Variants in CHIC1 observed in about 807,000 individuals in gnomAD.
CHIC1 encodes the protein cysteine-rich hydrophobic domain-containing protein 1.
In CHIC1, 7 loss-of-function variants were observed where a neutral mutation model predicts 18.5. That is an observed-to-expected ratio of 0.38 (90% CI 0.22 to 0.71). CHIC1 has a LOEUF of 0.71. CHIC1 is among the 30% of genes least tolerant of loss of function. CHIC1 has a pLI of 0.49. For synonymous variants in CHIC1, 77 were observed against 73.5 expected, an observed-to-expected ratio of 1.05 and a Z score of -0.25; for missense variants, 159 against 176.9, an observed-to-expected ratio of 0.90 and a Z score of 0.57.
At chrX:73,679,543 GTTT>G (rs750779762) in intron 4 of CHIC1, 108 bp from the exon 5 acceptor site, 1 of 580,238 alleles carries the variant, frequency 1.7e-6, no homozygotes, top group African/African-American at 2.3e-5. Flanking sequence ...TAAGTGCTCT[GTTT>G]TGTATCCTGT....
chrX:73,676,848 C>A (rs1322944456), intron 3 of CHIC1, among the ~76,000 whole-genome samples: 2 of 111,258 alleles, frequency 1.8e-5, no homozygotes, highest in Non-Finnish European at 3.8e-5. Flanking sequence ...CTGTTTTTTT[C>A]CCGTCTTTGT....
At chrX:73,677,221 A>T (rs1352027678) in intron 3 of CHIC1, among the ~76,000 whole-genome samples, 2 of 111,761 alleles carry the variant, frequency 1.8e-5, no homozygotes, top group Non-Finnish European at 3.8e-5. Context: ...CTCAGATCTT[A>T]AGCTGCGTGC....
chrX:73,612,336 T>A (rs2057713062), intron 3 of CHIC1, among the ~76,000 whole-genome samples: 1 of 111,662 alleles, frequency 9.0e-6, no homozygotes, highest in Admixed American at 9.5e-5. Flanking sequence ...TTTTTTTTCA[T>A]CTATTAATTT....
At chrX:73,674,807 G>C (rs1482357080) in intron 3 of CHIC1, among the ~76,000 whole-genome samples, 2 of 106,924 alleles carry the variant, frequency 1.9e-5, no homozygotes, top group Non-Finnish European at 1.9e-5. Context: ...TGCTTTTCTA[G>C]TTCTTTTAAT....
rs770223361 is a variant in CHIC1 at position 73,576,241 on chromosome X, A to G, written c.297-1166A>G. Among the ~76,000 whole-genome samples, 14 of 110,788 alleles carry G rather than the reference A, an allele frequency of 1.3e-4. No homozygotes were observed. In the South Asian group the frequency reaches 4.8e-3, roughly 38 times the overall value. ...ATACTAAAATAACAATAAAAAGTAT[A>G]CTATAGTAAATACATAAGCCAGTAA... is the stretch of plus-strand genomic sequence containing the variant. On this transcript the variant is annotated intron_variant, in intron 1 of 5. Coordinates refer to ENST00000373502, the MANE Select transcript of CHIC1 (RefSeq NM_001039840.4).
intron 3 of CHIC1, among the ~76,000 whole-genome samples, chrX:73,639,801 G>A (rs1456847531): frequency 9.0e-6 from 1 of 111,421 alleles, no homozygotes; most frequent in African/African-American, 3.3e-5. Flanking sequence ...ATTGTGAATT[G>A]AACTACATTT....
At chrX:73,636,701 G>T (rs965097792) in intron 3 of CHIC1, among the ~76,000 whole-genome samples, 1 of 106,681 alleles carries the variant, frequency 9.4e-6, no homozygotes, top group African/African-American at 3.4e-5. Context: ...TTATCTCTGT[G>T]GTTACCGTGG....
chrX:73,634,063 A>G (rs1228228362), intron 3 of CHIC1, among the ~76,000 whole-genome samples: 1 of 111,442 alleles, frequency 9.0e-6, no homozygotes, highest in African/African-American at 3.3e-5. Context: ...CTGGAACTTT[A>G]TTTTATTATT....
At chrX:73,629,689 A>G (rs1404192756) in intron 3 of CHIC1, among the ~76,000 whole-genome samples, 1 of 112,041 alleles carries the variant, frequency 8.9e-6, no homozygotes, top group Non-Finnish European at 1.9e-5. Flanking sequence ...TTTGATTACT[A>G]TAGCTTGAAA....
intron 3 of CHIC1, among the ~76,000 whole-genome samples, chrX:73,592,032 A>T (rs1490017894): frequency 2.7e-5 from 3 of 111,169 alleles, no homozygotes; most frequent in Non-Finnish European, 5.7e-5. Flanking sequence ...ATAATCACAA[A>T]ACATTGTGAT....
intron 1 of CHIC1, among the ~76,000 whole-genome samples, chrX:73,574,083 T>C (rs1226099166): frequency 9.0e-6 from 1 of 110,813 alleles, no homozygotes; most frequent in Non-Finnish European, 1.9e-5. Context: ...ATAGCTCTTA[T>C]CATTTTGAGG....
intron 2 of CHIC1, among the ~76,000 whole-genome samples, chrX:73,583,107 AAC>A (rs2057535349): frequency 9.0e-6 from 1 of 111,357 alleles, no homozygotes; most frequent in Non-Finnish European, 1.9e-5. Flanking sequence ...GCTCTGTGTA[AAC>A]ACAGTTTTGA....
chrX:73,643,380 T>C lies in CHIC1; in HGVS notation c.508-35946T>C, dbSNP rs748663248. 2.5e-3 allele frequency among the ~76,000 whole-genome samples: 270 copies of C among 109,608 alleles called. 1 individual carries two copies. The highest frequency in any genetic ancestry group is 3.8e-3 in the Non-Finnish European group (200 of 52,543). On this transcript the variant is annotated intron_variant, in intron 3 of 5. Transcript: ENST00000373502. ...CTCTTCTCGAGGAGTATCTTTGTGG[T>C]GTTCTCTGTATTTCCTGAATCTGAA... is the stretch of plus-strand genomic sequence containing the variant.
At chrX:73,611,250 A>G (rs1179854562) in intron 3 of CHIC1, among the ~76,000 whole-genome samples, 10 of 107,729 alleles carry the variant, frequency 9.3e-5, no homozygotes, top group Non-Finnish European at 1.9e-4. Context: ...GTTCCCACCC[A>G]TGAGTGAGAA....
chrX:73,582,410 A>G (rs186754102), intron 2 of CHIC1, among the ~76,000 whole-genome samples: 2 of 109,638 alleles, frequency 1.8e-5, no homozygotes, highest in Admixed American at 1.9e-4. Flanking sequence ...GCTGTTGGAG[A>G]GGTAAATCTT....
At chrX:73,642,831 A>G (rs1362533428) in intron 3 of CHIC1, among the ~76,000 whole-genome samples, 1 of 107,089 alleles carries the variant, frequency 9.3e-6, no homozygotes, top group East Asian at 2.9e-4. Flanking sequence ...AGACAGTTGT[A>G]GATATGCGGT....
chrX:73,563,629 A>G (rs1310965985), intron 1 of CHIC1, 49 bp downstream of exon 1: 6 of 1,019,591 alleles, frequency 5.9e-6, no homozygotes, highest in South Asian at 3.3e-5. Flanking sequence ...ATTTGGCAAC[A>G]GAGGAATGAG....
intron 3 of CHIC1, among the ~76,000 whole-genome samples, chrX:73,639,689 T>C (rs946222768): frequency 8.9e-6 from 1 of 111,818 alleles, no homozygotes; most frequent in African/African-American, 3.2e-5. Context: ...TAATTTTTTA[T>C]ATGATGTAGG....
At chrX:73,643,790 T>C (rs1379437030) in intron 3 of CHIC1, among the ~76,000 whole-genome samples, 3 of 111,882 alleles carry the variant, frequency 2.7e-5, no homozygotes, top group African/African-American at 9.8e-5. Flanking sequence ...TCAAAGTTTT[T>C]AACTTCTTTG....
Sources: gnomAD v4.1 joint callset for allele counts (sites outside exome capture counted in the v4.1 genomes callset) on GRCh38, gnomAD v4.1.1 for gene constraint, MANE v1.5 for transcripts, NCBI Gene and HGNC (gene_info 2026-07-23, HGNC 2026-07-21) for gene names.